Variants in ABCB4 observed in about 807,000 individuals in gnomAD.
ABCB4 encodes the protein phosphatidylcholine translocator ABCB4.
A neutral mutation model predicts 145.7 loss-of-function variants in ABCB4; 76 were observed. That is an observed-to-expected ratio of 0.52 (90% CI 0.43 to 0.63). ABCB4 has a LOEUF of 0.63. Ranked by LOEUF, ABCB4 falls within the 30% of genes least tolerant of loss-of-function variation. The pLI, the probability that ABCB4 is intolerant of heterozygous loss-of-function variation, is 0.00. For synonymous variants in ABCB4, 517 were observed against 566.8 expected, an observed-to-expected ratio of 0.91 and a Z score of 1.25; for missense variants, 1,234 against 1,553.1, an observed-to-expected ratio of 0.79 and a Z score of 3.45.
At chr7:87,377,219 A>G in the ABCB4 span, 3 of 569,894 alleles carry the variant, frequency 5.3e-6, no homozygotes, top group African/African-American at 5.7e-5. Flanking sequence ...GCTGATCATA[A>G]CTATATTATG....
chr7:87,454,389 C>T, intron 5 of ABCB4, 146 bp downstream of exon 5: 1 of 657,332 alleles, frequency 1.5e-6, no homozygotes, highest in Admixed American at 2.9e-5. Context: ...GTGCATCTTA[C>T]TTTAAATTGG....
chr7:87,398,638 T>A (rs1270641997), downstream of ABCB4: 2 of 1,613,028 alleles, frequency 1.2e-6, no homozygotes, highest in East Asian at 2.2e-5. Flanking sequence ...ACTCTACTCA[T>A]CTTTAGAGAT....
At chr7:87,465,291 C>A (rs1812786131) in intron 3 of ABCB4, among the ~76,000 whole-genome samples, 1 of 152,218 alleles carries the variant, frequency 6.6e-6, no homozygotes, top group South Asian at 2.1e-4. Context: ...GCACAGCAGT[C>A]TGAAATCAAT....
At chr7:87,381,039 C>G in the ABCB4 span, among the ~76,000 whole-genome samples, 1 of 152,142 alleles carries the variant, frequency 6.6e-6, no homozygotes, top group African/African-American at 2.4e-5. Context: ...TCCGCTGGGC[C>G]ATGATACAGG....
At chr7:87,419,678 G>A (rs575288785) in intron 19 of ABCB4, among the ~76,000 whole-genome samples, 16 of 151,918 alleles carry the variant, frequency 1.1e-4, no homozygotes, top group African/African-American at 3.6e-4. Context: ...ACTCACCAGG[G>A]CCTGCACAGG....
chr7:87,428,037 C>G (rs1421681542), intron 15 of ABCB4, among the ~76,000 whole-genome samples: 1 of 152,132 alleles, frequency 6.6e-6, no homozygotes, highest in East Asian at 1.9e-4. Flanking sequence ...CTGCCCAAGC[C>G]TGGATCCCCA....
At chr7:87,472,095 G>A (rs1275876977) in intron 3 of ABCB4, among the ~76,000 whole-genome samples, 1 of 152,010 alleles carries the variant, frequency 6.6e-6, no homozygotes, top group African/African-American at 2.4e-5. Flanking sequence ...CGGTGTCATC[G>A]CCAGCCTGTC....
At position 87,451,671 on chromosome 7, in the gene ABCB4, TATCACAAGG is replaced by T; in HGVS notation, c.651_659del (p.Leu218_Ile220del). ...GTCCTAGAATAGGGCTGATGGCCAT[TATCACAAGG>T]GTGAGCTTCCATCCTCTGATGAATC... On this transcript the variant is annotated inframe_deletion, in exon 7 of 28. Transcript: ENST00000649586. 1 of 1,614,168 alleles carries T rather than the reference TATCACAAGG, an allele frequency of 6.2e-7. No individual in the cohort carries two copies. The highest frequency in any genetic ancestry group is 8.5e-7 in the Non-Finnish European group (1 of 1,180,024).
At chr7:87,456,795 TG>T (rs777952348) in intron 4 of ABCB4, among the ~76,000 whole-genome samples, 10 of 152,084 alleles carry the variant, frequency 6.6e-5, no homozygotes, top group Non-Finnish European at 1.5e-4. Flanking sequence ...AATCTAGTGC[TG>T]GGTTAGTAAC....
intron 23 of ABCB4, among the ~76,000 whole-genome samples, chr7:87,411,013 A>T (rs1043363406): frequency 1.7e-4 from 26 of 152,162 alleles, no homozygotes; most frequent in African/African-American, 5.8e-4. Context: ...CTTCTTGGGT[A>T]CTGCTTACCT....
rs111318210 is a variant in ABCB4, at chr7:87,402,288, G to T, written c.3648C>A (p.Ala1216=). The T allele has an allele frequency of 6.2e-7, 1 of 1,613,788 alleles. No homozygotes were observed. Among genetic ancestry groups the T allele is most frequent in the African/African-American group, 1.3e-5 (1 of 74,950 alleles). The change falls in exon 28 of 28, where the codon GCC becomes GCA. Residue 1216 remains alanine, a synonymous_variant. Transcript: ENST00000649586. ...TGCGGCCTTCTCTGGCTTTGTCCAG[G>T]GCTTCTTGGACAACCTATTGATAAA... ...DTESEKVVQE[A]LDKAREGRTC... is the part of the protein sequence containing the mutation.
At chr7:87,467,104 C>A (rs1032509320) in intron 3 of ABCB4, among the ~76,000 whole-genome samples, 2 of 152,100 alleles carry the variant, frequency 1.3e-5, no homozygotes, top group Admixed American at 6.5e-5. Flanking sequence ...CACAGACTGG[C>A]AAACTGGATA....
At chr7:87,422,074 T>C (rs1809476677) in intron 18 of ABCB4, 47 bp downstream of exon 18, 1 of 1,307,920 alleles carries the variant, frequency 7.6e-7, no homozygotes, top group Admixed American at 1.8e-5. Flanking sequence ...TTAATTTCTC[T>C]AATTAAATTA....
At chr7:87,428,500 A>G (rs1055823084) in intron 15 of ABCB4, among the ~76,000 whole-genome samples, 5 of 152,252 alleles carry the variant, frequency 3.3e-5, no homozygotes, top group African/African-American at 1.2e-4. Context: ...CATGGAGGAA[A>G]AAACTGACAA....
intron 21 of ABCB4, among the ~76,000 whole-genome samples, chr7:87,414,212 G>A (rs1808817728): frequency 6.6e-6 from 1 of 152,198 alleles, no homozygotes; most frequent in Non-Finnish European, 1.5e-5. Flanking sequence ...AACAACATGA[G>A]CATGCTTTAA....
At chr7:87,407,042 C>A (rs1266469177) in intron 25 of ABCB4, among the ~76,000 whole-genome samples, 2 of 152,222 alleles carry the variant, frequency 1.3e-5, no homozygotes, top group African/African-American at 4.8e-5. Flanking sequence ...GAACAAGTTA[C>A]AAAGGGCAGT....
chr7:87,425,493 C>T (rs1809745645), intron 16 of ABCB4, among the ~76,000 whole-genome samples: 3 of 152,158 alleles, frequency 2.0e-5, no homozygotes, highest in African/African-American at 7.2e-5. Flanking sequence ...GCAGTAATAG[C>T]ATGCACAGAT....
intron 3 of ABCB4, 104 bp downstream of exon 3, chr7:87,472,517 C>T: frequency 9.4e-7 from 1 of 1,060,866 alleles, no homozygotes; most frequent in Non-Finnish European, 1.4e-6. Context: ...AGTCAGCTCG[C>T]CTAGCTAGAC....
At chr7:87,396,741 T>C (rs150990224), downstream of ABCB4, among the ~76,000 whole-genome samples, 289 of 152,194 alleles carry the variant, frequency 1.9e-3, 1 homozygote, top group African/African-American at 6.6e-3. Flanking sequence ...CAAAGTTATC[T>C]ACATTTCCAT....
Sources: allele counts gnomAD v4.1 joint callset (sites outside exome capture counted in the v4.1 genomes callset), GRCh38; gene constraint gnomAD v4.1.1; transcripts MANE v1.5; gene names NCBI Gene and HGNC (gene_info 2026-07-23, HGNC 2026-07-21).